Variants in TSEN15 observed in about 807,000 individuals in gnomAD.
TSEN15 encodes tRNA splicing endonuclease subunit 15.
In TSEN15, 10 loss-of-function variants were observed where a neutral mutation model predicts 20.5. That is an observed-to-expected ratio of 0.49 (90% CI 0.30 to 0.83). The LOEUF (loss-of-function observed/expected upper bound fraction) is 0.83, where lower values mean the gene tolerates loss of function less well. Ranked by LOEUF, TSEN15 falls within the 40% of genes least tolerant of loss-of-function variation. The probability of loss-of-function intolerance (pLI) is 0.06; values close to 1 mark genes in which losing one functional copy is unlikely to be tolerated. For missense variants in TSEN15, 180 were observed against 218.6 expected (o/e 0.82, Z 1.11); for synonymous variants, 72 against 80.1 (o/e 0.90, Z 0.54).
chr1:184,088,152 G>C (rs897196130), intron 3 of TSEN15, among the ~76,000 whole-genome samples: 5 of 152,078 alleles, frequency 3.3e-5, no homozygotes, highest in Non-Finnish European at 7.3e-5. Flanking sequence ...CACCAGCCAG[G>C]GAGGTCTGCT....
At chr1:184,068,395 T>C (rs1027153134) in intron 3 of TSEN15, among the ~76,000 whole-genome samples, 4 of 152,160 alleles carry the variant, frequency 2.6e-5, no homozygotes, top group African/African-American at 9.7e-5. Flanking sequence ...CAAAATGACT[T>C]CTGTCATTTG....
chr1:184,092,678 C>T (rs1212175875), intron 3 of TSEN15, among the ~76,000 whole-genome samples: 1 of 152,190 alleles, frequency 6.6e-6, no homozygotes, highest in Non-Finnish European at 1.5e-5. Context: ...GTAGCTGATC[C>T]TCTGGGCATT....
intron 3 of TSEN15, among the ~76,000 whole-genome samples, chr1:184,083,478 T>G (rs1342773939): frequency 6.6e-6 from 1 of 152,214 alleles, no homozygotes; most frequent in Admixed American, 6.5e-5. Flanking sequence ...CAACATTTTT[T>G]GGGGAAATGA....
chr1:184,068,555 A>G (rs1650774470), intron 3 of TSEN15, among the ~76,000 whole-genome samples: 1 of 152,148 alleles, frequency 6.6e-6, no homozygotes, highest in South Asian at 2.1e-4. Flanking sequence ...TCATTACAGA[A>G]TGACTTCCCA....
chr1:184,063,738 G>A (rs996215973), intron 3 of TSEN15, among the ~76,000 whole-genome samples: 1 of 152,004 alleles, frequency 6.6e-6, no homozygotes, highest in Non-Finnish European at 1.5e-5. Flanking sequence ...TATCACAGCA[G>A]TAACCCAGAT....
chr1:184,053,767 GAA>G (rs1470083906), intron 1 of TSEN15, among the ~76,000 whole-genome samples: 1 of 152,204 alleles, frequency 6.6e-6, no homozygotes, highest in Non-Finnish European at 1.5e-5. Flanking sequence ...CTTAAAGTGA[GAA>G]AGAGTGGGTA....
At position 184,084,053 on chromosome 1, in the gene TSEN15, A is replaced by G. The variant is rs182285661; in HGVS notation, c.354-11637A>G. Among the ~76,000 whole-genome samples the G allele has an allele frequency of 5.3e-4, 80 of 152,304 alleles. No individual in the cohort carries two copies. The Middle Eastern group carries it at 0.01, about 19-fold the overall frequency. The stretch of plus-strand genomic sequence containing the variant: ...GCAGAGTTTTGACTTCAGAAAACCA[A>G]CAGTGACATGGGACAGTTGTGTAAT... On this transcript the variant is annotated intron_variant, in intron 3 of 3. Coordinates refer to the TSEN15 transcript ENST00000643231.
downstream of TSEN15, among the ~76,000 whole-genome samples, chr1:184,078,752 C>T (rs1463398959): frequency 6.6e-6 from 1 of 152,152 alleles, no homozygotes; most frequent in Admixed American, 6.5e-5. Flanking sequence ...GAGTAATCTG[C>T]AAAGTTCACG....
At chr1:184,059,689 G>A (rs955717176) in intron 3 of TSEN15, among the ~76,000 whole-genome samples, 3 of 152,110 alleles carry the variant, frequency 2.0e-5, no homozygotes, top group Non-Finnish European at 4.4e-5. Flanking sequence ...TCCTGCTTCA[G>A]CGTTCTAAGT....
At chr1:184,058,938 A>G (rs1650346681) in intron 3 of TSEN15, among the ~76,000 whole-genome samples, 2 of 152,020 alleles carry the variant, frequency 1.3e-5, no homozygotes, top group Non-Finnish European at 2.9e-5. Context: ...GTGTCAGGCA[A>G]TGATCTAGGT....
chr1:184,055,724 T>G (rs1483784375), intron 3 of TSEN15, among the ~76,000 whole-genome samples: 1 of 152,182 alleles, frequency 6.6e-6, no homozygotes, highest in Non-Finnish European at 1.5e-5. Flanking sequence ...CAGCATTGGA[T>G]TAAACATGTC....
At chr1:184,058,832 T>G (rs1187713221) in intron 3 of TSEN15, among the ~76,000 whole-genome samples, 1 of 152,146 alleles carries the variant, frequency 6.6e-6, no homozygotes, top group Non-Finnish European at 1.5e-5. Flanking sequence ...TCTACATAAA[T>G]TAACGATTCT....
intron 3 of TSEN15, among the ~76,000 whole-genome samples, chr1:184,081,175 G>T (rs1006873481): frequency 4.6e-5 from 7 of 152,154 alleles, no homozygotes; most frequent in African/African-American, 1.7e-4. Context: ...TAAAAGCTTT[G>T]ATGAGGAATG....
At position 184,051,881 on chromosome 1, in the gene TSEN15, T is replaced by G; in HGVS notation, c.126T>G (p.Thr42=). The change falls in exon 1 of 5, where the codon ACT becomes ACG. Residue 42 remains threonine (T), a synonymous_variant. Transcript: ENST00000645668. The part of the protein sequence containing the change: ...SWAPEDAWMG[T]HPKYLEMMEL... ...CCCCTGAGGACGCCTGGATGGGCAC[T>G]CACCCTAAGGTCAGGAGGCGCGAGA... 6.4e-7 allele frequency: 1 copy of G among 1,553,130 alleles called. No homozygotes were observed.
intron 3 of TSEN15, among the ~76,000 whole-genome samples, chr1:184,082,554 C>T (rs1414850994): frequency 6.6e-6 from 1 of 152,020 alleles, no homozygotes; most frequent in African/African-American, 2.4e-5. Context: ...CTTTCATTTC[C>T]TTTATTTCCT....
downstream of TSEN15, among the ~76,000 whole-genome samples, chr1:184,077,572 T>C (rs1651087786): frequency 6.6e-6 from 1 of 152,114 alleles, no homozygotes; most frequent in African/African-American, 2.4e-5. Context: ...AGATAGTTAC[T>C]CCTGTTATGG....
rs41263658 is a variant in TSEN15, at chr1:184,072,123, G to A, written c.354-34G>A. 5.6e-3 allele frequency: 9,026 copies of A among 1,603,586 alleles called. 32 individuals carry two copies. The highest frequency in any genetic ancestry group is 6.7e-3 in the East Asian group (297 of 44,540). On this transcript the variant is annotated intron_variant, in intron 3 of 4. Coordinates refer to ENST00000645668, the MANE Select transcript of TSEN15 (RefSeq NM_052965.4). Reference sequence around the variant, plus strand: ...TCACATCTCATCTAATTGAGTGACCGCAACTCCTAAGTATATTGTGACTTT... The same window carrying A: ...TCACATCTCATCTAATTGAGTGACCACAACTCCTAAGTATATTGTGACTTT...
At chr1:184,054,331 G>T in intron 1 of TSEN15, 23 bp from the exon 2 acceptor site, 1 of 1,404,432 alleles carries the variant, frequency 7.1e-7, no homozygotes, top group South Asian at 1.2e-5. Context: ...TTCTCAATTT[G>T]ACAATTATAT....
chr1:184,092,116 G>A (rs1557892014), intron 3 of TSEN15, among the ~76,000 whole-genome samples: 1 of 152,218 alleles, frequency 6.6e-6, no homozygotes, highest in Admixed American at 6.5e-5. Flanking sequence ...CTCCAGGGGA[G>A]AGGCTGGCTA....
Sources: allele counts gnomAD v4.1 joint callset (sites outside exome capture counted in the v4.1 genomes callset), GRCh38; gene constraint gnomAD v4.1.1; transcripts MANE v1.5; gene names NCBI Gene and HGNC (gene_info 2026-07-23, HGNC 2026-07-21).